AKIRIN2: variants seen among roughly 807,000 people sequenced by gnomAD.
AKIRIN2 encodes akirin-2.
In AKIRIN2, 6 loss-of-function variants were observed where a neutral mutation model predicts 29.3. The ratio of observed to expected loss-of-function variants is 0.20; its 90% confidence interval spans 0.11 to 0.40. The LOEUF (loss-of-function observed/expected upper bound fraction) is 0.40. Ranked by LOEUF, AKIRIN2 falls within the 10% of genes least tolerant of loss-of-function variation. The pLI is 1.00. For synonymous variants in AKIRIN2, 128 were observed against 117.5 expected (o/e 1.09, Z -0.58); for missense variants, 210 against 276.1 (o/e 0.76, Z 1.70).
At chr6:87,676,900 C>T (rs148792746) in intron 3 of AKIRIN2, among the ~76,000 whole-genome samples, 48 of 151,464 alleles carry the variant, frequency 3.2e-4, no homozygotes, top group South Asian at 8.4e-4. Context: ...CACGGTGAAA[C>T]CCTGTCTCTA....
At chr6:87,685,027 C>T (rs1771167033) in intron 1 of AKIRIN2, among the ~76,000 whole-genome samples, 1 of 152,188 alleles carries the variant, frequency 6.6e-6, no homozygotes, top group African/African-American at 2.4e-5. Flanking sequence ...ACATCCTTGC[C>T]AACACTTGAT....
chr6:87,676,859 G>A (rs376036833), intron 3 of AKIRIN2, among the ~76,000 whole-genome samples: 28 of 151,462 alleles, frequency 1.8e-4, no homozygotes, highest in Admixed American at 9.2e-4. Context: ...GGCAGATCAC[G>A]AGGTCAGGAG....
At chr6:87,685,463 T>G (rs924556139) in intron 1 of AKIRIN2, among the ~76,000 whole-genome samples, 2 of 152,224 alleles carry the variant, frequency 1.3e-5, no homozygotes, top group Non-Finnish European at 2.9e-5. Flanking sequence ...GATCTGGCCA[T>G]CTCTTATCAT....
chr6:87,684,404 A>C (rs1169347987), intron 1 of AKIRIN2, among the ~76,000 whole-genome samples: 1 of 152,226 alleles, frequency 6.6e-6, no homozygotes, highest in African/African-American at 2.4e-5. Flanking sequence ...AAATTCACCA[A>C]TTTAAATGTA....
chr6:87,691,309 T>C (rs1771274736), intron 1 of AKIRIN2, among the ~76,000 whole-genome samples: 1 of 151,544 alleles, frequency 6.6e-6, no homozygotes, highest in Non-Finnish European at 1.5e-5. Flanking sequence ...GGCATGGTGA[T>C]ACACATCTGT....
In AKIRIN2 at chr6:87,701,956, CGCCTCCTCA is replaced by C; in HGVS notation, c.-281_-273del. 5.0e-6 allele frequency: 2 copies of C among 399,956 alleles called. No homozygotes were observed. Among genetic ancestry groups the C allele is most frequent in the South Asian group, 1.1e-4 (1 of 8,738 alleles). The allele number at this position is 399,956 out of a possible 1,614,324, so 24.8% of individuals were successfully genotyped here. On this transcript the variant is annotated 5_prime_UTR_variant, in exon 1 of 5. Coordinates refer to ENST00000257787, the MANE Select transcript of AKIRIN2 (RefSeq NM_018064.4). ...GCCAGTCGCGTCAGGGGGGTTCTTC[CGCCTCCTCA>C]GGCGCGGCTCCCCCGAGAGAGGCTC... is the stretch of plus-strand genomic sequence containing the variant.
rs777595728 is a variant in AKIRIN2, at chr6:87,675,655, C to T, written c.602-48G>A. ...TTAGTGCAAAATACAGGTCAAAATC[C>T]AAACGAATACTAGATCTTGATTCCC... On this transcript the variant is annotated intron_variant, in intron 4 of 4. Coordinates refer to ENST00000257787, the MANE Select transcript of AKIRIN2 (RefSeq NM_018064.4). 8.7e-6 allele frequency: 14 copies of T among 1,605,998 alleles called. No homozygotes were observed. In the Admixed American group the frequency reaches 1.5e-4, roughly 17 times the overall value.
intron 1 of AKIRIN2, among the ~76,000 whole-genome samples, chr6:87,693,587 T>C (rs1018007981): frequency 6.6e-6 from 1 of 151,922 alleles, no homozygotes; most frequent in Non-Finnish European, 1.5e-5. Context: ...TAGCCAGGTG[T>C]GGCAGTGCGC....
intron 1 of AKIRIN2, among the ~76,000 whole-genome samples, chr6:87,694,779 A>G (rs1388421852): frequency 2.6e-5 from 4 of 152,228 alleles, no homozygotes; most frequent in Non-Finnish European, 5.9e-5. Context: ...TTAGTGCTAG[A>G]AAGTTTACCA....
intron 2 of AKIRIN2, among the ~76,000 whole-genome samples, chr6:87,681,179 A>G (rs1771113296): frequency 6.6e-6 from 1 of 152,120 alleles, no homozygotes; most frequent in South Asian, 2.1e-4. Context: ...CTGGGACTAC[A>G]GGCGCGTGCC....
intron 1 of AKIRIN2, among the ~76,000 whole-genome samples, chr6:87,691,741 G>A (rs1485661196): frequency 1.3e-5 from 2 of 152,206 alleles, no homozygotes; most frequent in South Asian, 2.1e-4. Flanking sequence ...CCAGCAGGCA[G>A]AATGCTGAAA....
chr6:87,678,971 A>T (rs1771072743), intron 2 of AKIRIN2, among the ~76,000 whole-genome samples: 1 of 152,140 alleles, frequency 6.6e-6, no homozygotes, highest in Non-Finnish European at 1.5e-5. Context: ...CTTAGTCTCT[A>T]CTAAAAATAC....
At chr6:87,685,478 G>GC (rs1348769771) in intron 1 of AKIRIN2, among the ~76,000 whole-genome samples, 1 of 152,146 alleles carries the variant, frequency 6.6e-6, no homozygotes, top group African/African-American at 2.4e-5. Context: ...TATCATACCA[G>GC]CAAGTTAATA....
chr6:87,690,334 T>A (rs1183323202), intron 1 of AKIRIN2, among the ~76,000 whole-genome samples: 1 of 152,258 alleles, frequency 6.6e-6, no homozygotes, highest in Non-Finnish European at 1.5e-5. Context: ...GCAAGGTTAT[T>A]ACAAGTAGGA....
At chr6:87,698,801 T>C (rs1177409347) in intron 1 of AKIRIN2, among the ~76,000 whole-genome samples, 4 of 152,200 alleles carry the variant, frequency 2.6e-5, no homozygotes, top group Admixed American at 2.0e-4. Flanking sequence ...ATAAGAATAG[T>C]CAAGTCAAAC....
chr6:87,690,138 A>G (rs747433185), intron 1 of AKIRIN2, among the ~76,000 whole-genome samples: 6 of 151,020 alleles, frequency 4.0e-5, no homozygotes, highest in Non-Finnish European at 7.4e-5. Context: ...CTTGGGAGGC[A>G]GAGGTTTCAG....
intron 1 of AKIRIN2, among the ~76,000 whole-genome samples, chr6:87,683,069 T>C (rs146360047): frequency 1.1e-3 from 175 of 152,348 alleles, no homozygotes; most frequent in African/African-American, 4.0e-3. Flanking sequence ...GAAGAACTTT[T>C]AGAATTTTTG....
chr6:87,694,213 C>T (rs141291108), intron 1 of AKIRIN2, among the ~76,000 whole-genome samples: 1,580 of 152,216 alleles, frequency 0.01, 29 homozygotes, highest in African/African-American at 0.035. Context: ...TGAGAATACA[C>T]ATCATATACT....
chr6:87,687,602 T>C (rs1400042828), intron 1 of AKIRIN2, among the ~76,000 whole-genome samples: 1 of 152,162 alleles, frequency 6.6e-6, no homozygotes, highest in Non-Finnish European at 1.5e-5. Flanking sequence ...TATTGGACTA[T>C]AAAGAATGAG....
Sources: gnomAD v4.1 joint callset for allele counts (sites outside exome capture counted in the v4.1 genomes callset) on GRCh38, gnomAD v4.1.1 for gene constraint, MANE v1.5 for transcripts, NCBI Gene and HGNC (gene_info 2026-07-23, HGNC 2026-07-21) for gene names.